The following PTPRD variants were observed in gnomAD, a reference collection of about 807,000 sequenced individuals.
PTPRD encodes receptor-type tyrosine-protein phosphatase delta.
Under a neutral mutation model 214.5 loss-of-function variants are expected in PTPRD, and 34 were observed. That is an observed-to-expected ratio of 0.16 (90% CI 0.12 to 0.21). PTPRD has a LOEUF of 0.21. Among genes scored for constraint, PTPRD ranks in the 10% least tolerant of loss-of-function variants. PTPRD has a pLI of 1.00. For missense variants in PTPRD, 2,545 were observed against 2,398.7 expected (o/e 1.06, Z -1.27); for synonymous variants, 1,128 against 845.7 (o/e 1.33, Z -5.79).
intron 3 of PTPRD, among the ~76,000 whole-genome samples, chr9:10,092,863 A>G (rs2098446275): frequency 6.6e-6 from 1 of 151,636 alleles, no homozygotes; most frequent in African/African-American, 2.4e-5. Flanking sequence ...AAGACTCCCT[A>G]TTCAATTAAT....
chr9:9,476,984 C>G (rs576112775), intron 8 of PTPRD, among the ~76,000 whole-genome samples: 10 of 152,278 alleles, frequency 6.6e-5, no homozygotes, highest in African/African-American at 2.4e-4. Flanking sequence ...ATCCGCCTGC[C>G]TCAGCCTCCC....
intron 36 of PTPRD, among the ~76,000 whole-genome samples, chr9:8,392,719 G>A (rs1465507521): frequency 6.6e-6 from 1 of 152,016 alleles, no homozygotes; most frequent in South Asian, 2.1e-4. Context: ...CTCTTTACGC[G>A]CTCTGGTGAA....
intron 8 of PTPRD, among the ~76,000 whole-genome samples, chr9:9,467,703 T>C (rs1282707480): frequency 6.6e-6 from 1 of 151,940 alleles, no homozygotes; most frequent in Admixed American, 6.6e-5. Flanking sequence ...TTCTCTCTTA[T>C]TTTGTACTTC....
intron 2 of PTPRD, among the ~76,000 whole-genome samples, chr9:10,587,432 C>T (rs1591521777): frequency 6.6e-6 from 1 of 151,886 alleles, no homozygotes; most frequent in Non-Finnish European, 1.5e-5. Flanking sequence ...TTAATTCAAA[C>T]AGAATCCATA....
At chr9:9,578,678 A>G (rs1396303381) in intron 7 of PTPRD, among the ~76,000 whole-genome samples, 1 of 152,090 alleles carries the variant, frequency 6.6e-6, no homozygotes, top group Non-Finnish European at 1.5e-5. Context: ...ATTGTATCTC[A>G]TGTATCCTCA....
intron 10 of PTPRD, among the ~76,000 whole-genome samples, chr9:9,129,064 C>G (rs1276110022): frequency 1.3e-5 from 2 of 152,208 alleles, no homozygotes; most frequent in Non-Finnish European, 2.9e-5. Flanking sequence ...GAGTACTGCT[C>G]TTACAAGCAG....
At chr9:9,941,232 G>A (rs144300863) in intron 4 of PTPRD, among the ~76,000 whole-genome samples, 1 of 152,180 alleles carries the variant, frequency 6.6e-6, no homozygotes, top group African/African-American at 2.4e-5. Context: ...TGACTATGAG[G>A]GAAGGGAAAA....
chr9:9,537,741 C>T (rs538467590), intron 8 of PTPRD, among the ~76,000 whole-genome samples: 20 of 151,962 alleles, frequency 1.3e-4, no homozygotes, highest in African/African-American at 4.6e-4. Context: ...AAAAATAATT[C>T]TGCAGCTTAA....
intron 2 of PTPRD, among the ~76,000 whole-genome samples, chr9:10,432,853 G>C (rs375966889): frequency 2.6e-5 from 4 of 151,862 alleles, no homozygotes; most frequent in African/African-American, 9.7e-5. Context: ...AGGATGACAG[G>C]TTGTTTCATA....
At chr9:9,412,595 G>A (rs1315658294) in intron 8 of PTPRD, among the ~76,000 whole-genome samples, 4 of 152,020 alleles carry the variant, frequency 2.6e-5, no homozygotes, top group Non-Finnish European at 4.4e-5. Flanking sequence ...CAGTCACTAC[G>A]CGAAGGGGTT....
intron 3 of PTPRD, among the ~76,000 whole-genome samples, chr9:10,103,997 A>G: frequency 6.6e-6 from 1 of 151,750 alleles, no homozygotes; most frequent in East Asian, 1.9e-4. Flanking sequence ...GAAAGGAAGG[A>G]CATTCTGACA....
intron 12 of PTPRD, among the ~76,000 whole-genome samples, chr9:8,640,774 T>A (rs2096559492): frequency 6.6e-6 from 1 of 152,028 alleles, no homozygotes; most frequent in South Asian, 2.1e-4. Context: ...AATGTCAATT[T>A]TTCTAGATTC....
At chr9:9,369,294 C>T (rs1432016514) in intron 9 of PTPRD, among the ~76,000 whole-genome samples, 19 of 152,014 alleles carry the variant, frequency 1.2e-4, no homozygotes, top group Admixed American at 3.9e-4. Context: ...TTTTAATGAT[C>T]ACCATTCTAA....
intron 4 of PTPRD, among the ~76,000 whole-genome samples, chr9:9,972,741 G>C (rs1418187064): frequency 6.6e-6 from 1 of 152,026 alleles, no homozygotes; most frequent in Non-Finnish European, 1.5e-5. Flanking sequence ...TCAGCTTCTA[G>C]AGGCTGCCTG....
chr9:10,461,627 T>C (rs1319922810), intron 2 of PTPRD, among the ~76,000 whole-genome samples: 1 of 151,610 alleles, frequency 6.6e-6, no homozygotes, highest in African/African-American at 2.4e-5. Context: ...CATTCTTTTT[T>C]TTTTTTTTTT....
intron 3 of PTPRD, among the ~76,000 whole-genome samples, chr9:10,169,387 T>C (rs1038817593): frequency 7.0e-6 from 1 of 143,832 alleles, no homozygotes; most frequent in Admixed American, 7.4e-5. Context: ...GGCAGGAGAA[T>C]GGCGTGAACC....
chr9:10,099,514 T>C (rs958130494), intron 3 of PTPRD, among the ~76,000 whole-genome samples: 97 of 151,834 alleles, frequency 6.4e-4, no homozygotes, highest in African/African-American at 1.8e-3. Flanking sequence ...ATATTATTAT[T>C]TTCTATTTTG....
At chr9:9,015,467 AAGGGG>A (rs2099530802) in intron 11 of PTPRD, among the ~76,000 whole-genome samples, 1 of 152,152 alleles carries the variant, frequency 6.6e-6, no homozygotes, top group South Asian at 2.1e-4. Context: ...ATTGTCTGAA[AAGGGG>A]AGGCATGAAT....
intron 7 of PTPRD, among the ~76,000 whole-genome samples, chr9:9,699,775 G>T (rs1481083044): frequency 2.0e-5 from 3 of 152,128 alleles, no homozygotes; most frequent in African/African-American, 7.2e-5. Flanking sequence ...CTGGAAGCAA[G>T]AAGCCATGAA....
Sources: allele counts gnomAD v4.1 joint callset (sites outside exome capture counted in the v4.1 genomes callset), GRCh38; gene constraint gnomAD v4.1.1; transcripts MANE v1.5; gene names NCBI Gene and HGNC (gene_info 2026-07-23, HGNC 2026-07-21).